KCNIP1: variants seen among roughly 807,000 people sequenced by gnomAD.
KCNIP1 encodes the protein potassium voltage-gated channel interacting protein 1.
A neutral mutation model predicts 33.0 loss-of-function variants in KCNIP1; 18 were observed. That is an observed-to-expected ratio of 0.55 (90% CI 0.38 to 0.81). The LOEUF is 0.81. KCNIP1 is among the 30% of genes least tolerant of loss of function. The pLI is 0.00. For synonymous variants in KCNIP1, 93 were observed against 98.3 expected, an observed-to-expected ratio of 0.95 and a Z score of 0.32; for missense variants, 238 against 271.6, an observed-to-expected ratio of 0.88 and a Z score of 0.87.
At chr5:170,735,403 G>A (rs969350590) in intron 7 of KCNIP1, among the ~76,000 whole-genome samples, 31 of 152,180 alleles carry the variant, frequency 2.0e-4, no homozygotes, top group African/African-American at 7.5e-4. Context: ...TTCCAGGAAT[G>A]CAAGGTTGGT....
intron 1 of KCNIP1, among the ~76,000 whole-genome samples, chr5:170,596,581 T>TTTAG (rs1160739589): frequency 6.6e-6 from 1 of 151,960 alleles, no homozygotes. Context: ...AGAGCATGAG[T>TTTAG]TTAGAAGCCA....
At chr5:170,640,257 G>A (rs1760487066) in intron 1 of KCNIP1, among the ~76,000 whole-genome samples, 1 of 152,226 alleles carries the variant, frequency 6.6e-6, no homozygotes, top group African/African-American at 2.4e-5. Context: ...TGGTCCCGTG[G>A]CTAGGAAGTG....
chr5:170,407,427 C>T (rs1285721061), intron 1 of KCNIP1, among the ~76,000 whole-genome samples: 1 of 152,122 alleles, frequency 6.6e-6, no homozygotes, highest in African/African-American at 2.4e-5. Context: ...TCCTTCTATC[C>T]ATAAGTGTAA....
intron 1 of KCNIP1, among the ~76,000 whole-genome samples, chr5:170,449,705 G>A (rs1408403067): frequency 6.6e-6 from 1 of 152,194 alleles, no homozygotes; most frequent in Non-Finnish European, 1.5e-5. Context: ...TAAATGCTGA[G>A]TGGACACCAG....
At chr5:170,419,040 A>T (rs1394747026) in intron 1 of KCNIP1, among the ~76,000 whole-genome samples, 1 of 152,268 alleles carries the variant, frequency 6.6e-6, no homozygotes, top group East Asian at 1.9e-4. Context: ...TTAGCAAAAA[A>T]CAAGGGACAG....
Position 170,710,215 on chromosome 5 carries a change from A to G in KCNIP1, c.62-8543A>G, listed in dbSNP as rs74290786. ...TGTGCATCTGTCTGTGCATTTTTCT[A>G]TTGACTTATCTACCAAGTCACTTAT... is the stretch of plus-strand genomic sequence containing the variant. On this transcript the variant is annotated intron_variant, in intron 1 of 7. Coordinates refer to ENST00000328939, the MANE Select transcript of KCNIP1 (RefSeq NM_014592.4). 5.7e-4 allele frequency among the ~76,000 whole-genome samples: 86 copies of G among 152,190 alleles called. 2 individuals are homozygous for G. The East Asian group carries it at 0.016, about 28-fold the overall frequency.
At chr5:170,397,277 G>A (rs1319774678) in intron 1 of KCNIP1, among the ~76,000 whole-genome samples, 4 of 152,198 alleles carry the variant, frequency 2.6e-5, no homozygotes, top group Non-Finnish European at 5.9e-5. Context: ...AGACCCTTCT[G>A]CAGACACCTG....
At chr5:170,703,128 A>G (rs1191072678) in intron 1 of KCNIP1, among the ~76,000 whole-genome samples, 1 of 137,760 alleles carries the variant, frequency 7.3e-6, no homozygotes, top group African/African-American at 2.7e-5. Flanking sequence ...CTTTAATCAC[A>G]GGGCATCCTG....
chr5:170,459,308 C>T (rs897258839), intron 1 of KCNIP1, among the ~76,000 whole-genome samples: 6 of 152,066 alleles, frequency 3.9e-5, no homozygotes, highest in Non-Finnish European at 8.8e-5. Flanking sequence ...CAACAAAGAA[C>T]AATGGATTTA....
At chr5:170,614,792 C>T (rs1477984825) in intron 1 of KCNIP1, among the ~76,000 whole-genome samples, 1 of 152,262 alleles carries the variant, frequency 6.6e-6, no homozygotes, top group Non-Finnish European at 1.5e-5. Flanking sequence ...AACATCACTG[C>T]ATTCCTGCAC....
chr5:170,539,926 G>T (rs1306626061), intron 1 of KCNIP1, among the ~76,000 whole-genome samples: 1 of 152,176 alleles, frequency 6.6e-6, no homozygotes, highest in East Asian at 1.9e-4. Context: ...AGAACTCAGG[G>T]TAAATAAAAA....
chr5:170,469,017 A>G (rs1200697095), intron 1 of KCNIP1, among the ~76,000 whole-genome samples: 2 of 152,316 alleles, frequency 1.3e-5, no homozygotes, highest in East Asian at 3.9e-4. Flanking sequence ...TGTTATTTGC[A>G]TAAGCATAGA....
intron 1 of KCNIP1, among the ~76,000 whole-genome samples, chr5:170,370,031 A>C (rs1193723045): frequency 6.6e-6 from 1 of 152,178 alleles, no homozygotes; most frequent in Non-Finnish European, 1.5e-5. Context: ...AGTTCAAAGC[A>C]AAGATAGGCA....
At chr5:170,447,147 C>A (rs1278558194) in intron 1 of KCNIP1, among the ~76,000 whole-genome samples, 1 of 152,160 alleles carries the variant, frequency 6.6e-6, no homozygotes, top group African/African-American at 2.4e-5. Flanking sequence ...TGGGAAAGCT[C>A]CTACTGCATG....
intron 1 of KCNIP1, among the ~76,000 whole-genome samples, chr5:170,522,325 T>A (rs759989602): frequency 6.6e-6 from 1 of 152,162 alleles, no homozygotes; most frequent in Non-Finnish European, 1.5e-5. Flanking sequence ...CATTAAACAT[T>A]TGAGTGGTTC....
intron 1 of KCNIP1, among the ~76,000 whole-genome samples, chr5:170,613,582 T>C (rs1034819340): frequency 7.9e-5 from 12 of 151,948 alleles, no homozygotes; most frequent in Admixed American, 7.9e-4. Context: ...AGAGAAATAG[T>C]TGGGGAGACC....
intron 1 of KCNIP1, among the ~76,000 whole-genome samples, chr5:170,374,141 A>G (rs934367027): frequency 2.0e-5 from 3 of 152,236 alleles, no homozygotes; most frequent in African/African-American, 7.2e-5. Context: ...AGTTTAAGAT[A>G]AATTTTGGAT....
chr5:170,621,665 C>T lies in KCNIP1; in HGVS notation c.62-97093C>T, dbSNP rs140994001. Among the ~76,000 whole-genome samples the T allele has an allele frequency of 1.6e-3, 245 of 152,272 alleles. 2 individuals carry two copies. In the East Asian group the frequency reaches 0.019, roughly 12 times the overall value. ...CTAGAGCCACAGGCACATGCCACCA[C>T]GCCTAGCTAATTTTTCAATTTTTTG... On this transcript the variant is annotated intron_variant, in intron 1 of 7. Transcript: ENST00000328939.
intron 1 of KCNIP1, among the ~76,000 whole-genome samples, chr5:170,667,326 A>AG (rs397690930): frequency 2.7e-4 from 41 of 151,954 alleles, no homozygotes; most frequent in African/African-American, 9.4e-4. Flanking sequence ...AAAAAAAAAA[A>AG]GTAAAAACTG....
Sources: allele counts gnomAD v4.1 joint callset (sites outside exome capture counted in the v4.1 genomes callset), GRCh38; gene constraint gnomAD v4.1.1; transcripts MANE v1.5; gene names NCBI Gene and HGNC (gene_info 2026-07-23, HGNC 2026-07-21).